The following ELAVL2 variants were observed in gnomAD, a reference collection of about 807,000 sequenced individuals.
ELAVL2 encodes ELAV like RNA binding protein 2.
A neutral mutation model predicts 34.6 loss-of-function variants in ELAVL2; 4 were observed. The ratio of observed to expected loss-of-function variants is 0.12; its 90% CI spans 0.06 to 0.26. The LOEUF (loss-of-function observed/expected upper bound fraction) is 0.26. ELAVL2 is among the 10% of genes least tolerant of loss of function. The pLI is 1.00. For missense variants in ELAVL2, 432 were observed against 442.8 expected, an observed-to-expected ratio of 0.98 and a Z score of 0.22; for synonymous variants, 193 against 154.8, an observed-to-expected ratio of 1.25 and a Z score of -1.83.
At chr9:23,821,904 G>A (rs2064836221) in intron 1 of ELAVL2, 1 of 151,210 alleles carries the variant, frequency 6.6e-6, no homozygotes, top group Non-Finnish European at 1.5e-5. Flanking sequence ...GGGGCCGGCG[G>A]CGAGTTCGCG....
chr9:23,771,636 A>G (rs1184743668), intron 1 of ELAVL2, among the ~76,000 whole-genome samples: 1 of 152,158 alleles, frequency 6.6e-6, no homozygotes, highest in Non-Finnish European at 1.5e-5. Context: ...AAAACATGCA[A>G]CTACTACTAA....
intron 1 of ELAVL2, chr9:23,765,127 AT>A: frequency 1.3e-6 from 2 of 1,567,392 alleles, no homozygotes; most frequent in Non-Finnish European, 1.7e-6. Context: ...AAAGTACCGT[AT>A]GTTAGATGAG....
At chr9:23,820,473 T>C (rs776287527) in intron 1 of ELAVL2, among the ~76,000 whole-genome samples, 81 of 152,280 alleles carry the variant, frequency 5.3e-4, no homozygotes, top group African/African-American at 9.4e-4. Context: ...GTAGAGACGA[T>C]AGGACTTGAA....
intron 1 of ELAVL2, chr9:23,765,196 C>T: frequency 9.0e-7 from 1 of 1,109,806 alleles, no homozygotes; most frequent in Non-Finnish European, 1.3e-6. Flanking sequence ...TTGATATTCC[C>T]AGCACGTCCA....
At chr9:23,737,714 CAGT>C (rs1367408656) in intron 2 of ELAVL2, among the ~76,000 whole-genome samples, 3 of 152,064 alleles carry the variant, frequency 2.0e-5, no homozygotes, top group African/African-American at 4.8e-5. Context: ...CCATTTACAG[CAGT>C]AGTAATGTTT....
At chr9:23,808,188 C>A (rs1275253711) in intron 1 of ELAVL2, among the ~76,000 whole-genome samples, 3 of 151,488 alleles carry the variant, frequency 2.0e-5, no homozygotes, top group Non-Finnish European at 4.4e-5. Context: ...GGAAGGAAAT[C>A]AACAAATGAT....
intron 2 of ELAVL2, among the ~76,000 whole-genome samples, chr9:23,750,369 T>A (rs1426944028): frequency 6.6e-6 from 1 of 152,094 alleles, no homozygotes; most frequent in African/African-American, 2.4e-5. Context: ...CAATTCTGTA[T>A]TTTAATCCTA....
chr9:23,829,503 A>G (rs1337475256), upstream of ELAVL2, among the ~76,000 whole-genome samples: 5 of 152,340 alleles, frequency 3.3e-5, no homozygotes, highest in East Asian at 1.9e-4. Context: ...TTAAGGCAGT[A>G]ATTTCCAACA....
At chr9:23,750,167 C>G (rs1021930036) in intron 2 of ELAVL2, among the ~76,000 whole-genome samples, 3 of 151,866 alleles carry the variant, frequency 2.0e-5, no homozygotes, top group Non-Finnish European at 4.4e-5. Context: ...ACTAAAATAT[C>G]AAATAGAGTA....
In ELAVL2 at chr9:23,693,006, A is replaced by G. The variant is rs1434501876; in HGVS notation, c.753-122T>C. Reference sequence around the variant, plus strand: ...TTTAGTAACTCTCCTCCCCCAACAAATATATAAACTATTTCATGTTTTGAC... The same window carrying G: ...TTTAGTAACTCTCCTCCCCCAACAAGTATATAAACTATTTCATGTTTTGAC... On this transcript the variant is annotated intron_variant, in intron 6 of 6. Transcript: ENST00000397312. The G allele has an allele frequency of 1.2e-5, 10 of 862,312 alleles. No homozygotes were observed. The East Asian group carries it at 2.4e-4, about 21-fold the overall frequency. 53.4% of individuals were successfully genotyped at this position (862,312 alleles called of 1,614,324 possible).
chr9:23,837,424 A>G, the ELAVL2 span, among the ~76,000 whole-genome samples: 1 of 152,198 alleles, frequency 6.6e-6, no homozygotes, highest in Non-Finnish European at 1.5e-5. Flanking sequence ...AAACTTCATG[A>G]TTCCCAGGAG....
intron 1 of ELAVL2, among the ~76,000 whole-genome samples, chr9:23,793,762 A>T (rs1050449137): frequency 2.0e-5 from 3 of 152,172 alleles, no homozygotes; most frequent in African/African-American, 7.2e-5. Context: ...CCCCCAAAAT[A>T]GCCTCTGTCC....
At chr9:23,796,909 T>C (rs1056553797) in intron 1 of ELAVL2, among the ~76,000 whole-genome samples, 1 of 152,184 alleles carries the variant, frequency 6.6e-6, no homozygotes, top group African/African-American at 2.4e-5. Context: ...AACCCCATTT[T>C]CCTCATTCCA....
chr9:23,849,650 C>T, the ELAVL2 span: 1 of 152,514 alleles, frequency 6.6e-6, no homozygotes, highest in East Asian at 1.9e-4. Context: ...ACTGCCAACT[C>T]CCACCCACTT....
At chr9:23,746,564 T>C (rs117811029) in intron 2 of ELAVL2, among the ~76,000 whole-genome samples, 2,109 of 152,154 alleles carry the variant, frequency 0.014, 26 homozygotes, top group Non-Finnish European at 0.023. Flanking sequence ...CTTCTATCAC[T>C]TCCTTGAGAC....
At chr9:23,765,807 G>A (rs1351929307) in intron 1 of ELAVL2, among the ~76,000 whole-genome samples, 1 of 152,112 alleles carries the variant, frequency 6.6e-6, no homozygotes, top group Non-Finnish European at 1.5e-5. Flanking sequence ...TGTCAGCTTT[G>A]TCCCTGAACG....
intron 2 of ELAVL2, among the ~76,000 whole-genome samples, chr9:23,748,165 C>T (rs1168834941): frequency 7.0e-6 from 1 of 143,860 alleles, no homozygotes; most frequent in Non-Finnish European, 1.5e-5. Flanking sequence ...TGGGGGGCTT[C>T]CTTGAGGGGT....
chr9:23,802,422 T>C (rs1252791285), intron 1 of ELAVL2, among the ~76,000 whole-genome samples: 2 of 152,192 alleles, frequency 1.3e-5, no homozygotes, highest in East Asian at 1.9e-4. Flanking sequence ...AATCTGGTCA[T>C]AGCATTCAAG....
intron 3 of ELAVL2, among the ~76,000 whole-genome samples, chr9:23,730,239 C>A (rs544154431): frequency 1.3e-5 from 2 of 152,194 alleles, no homozygotes; most frequent in East Asian, 3.9e-4. Context: ...TAGATTAGCT[C>A]CCTCTCAAGA....
Sources: gnomAD v4.1 joint callset for allele counts (sites outside exome capture counted in the v4.1 genomes callset) on GRCh38, gnomAD v4.1.1 for gene constraint, MANE v1.5 for transcripts, NCBI Gene and HGNC (gene_info 2026-07-23, HGNC 2026-07-21) for gene names.